Variants in HIF1AN observed in about 807,000 individuals in gnomAD.
HIF1AN encodes the protein hypoxia-inducible factor 1-alpha inhibitor.
In HIF1AN, 21 loss-of-function variants were observed where a neutral mutation model predicts 47.7. The observed-to-expected ratio is 0.44, with a 90% CI of 0.31 to 0.63. The LOEUF is 0.63. Ranked by LOEUF, HIF1AN falls within the 30% of genes least tolerant of loss-of-function variation. The pLI is 0.07. For missense variants in HIF1AN, 320 were observed against 432.7 expected, an observed-to-expected ratio of 0.74 and a Z score of 2.31; for synonymous variants, 152 against 155.9, an observed-to-expected ratio of 0.98 and a Z score of 0.18.
intron 2 of HIF1AN, among the ~76,000 whole-genome samples, chr10:100,537,837 T>A (rs1276171349): frequency 6.6e-6 from 1 of 152,250 alleles, no homozygotes; most frequent in Admixed American, 6.5e-5. Flanking sequence ...TTCTTCTTCT[T>A]AACACTTAGC....
At chr10:100,546,917 T>C (rs562116405) in intron 6 of HIF1AN, among the ~76,000 whole-genome samples, 1 of 152,164 alleles carries the variant, frequency 6.6e-6, no homozygotes, top group African/African-American at 2.4e-5. Flanking sequence ...TTTTTGTATC[T>C]TTAGTAGAGA....
chr10:100,547,084 A>G, intron 6 of HIF1AN, 56 bp from the exon 7 acceptor site: 2 of 1,236,622 alleles, frequency 1.6e-6, no homozygotes, highest in South Asian at 2.5e-5. Context: ...AGAACAGTAG[A>G]GTGACACTGA....
intron 3 of HIF1AN, 79 bp downstream of exon 3, chr10:100,540,861 T>C: frequency 7.8e-7 from 1 of 1,290,090 alleles, no homozygotes; most frequent in Non-Finnish European, 1.0e-6. Flanking sequence ...GCTTATTAGC[T>C]CCATGACTTT....
At position 100,554,041 on chromosome 10, in the gene HIF1AN, G is replaced by A. The variant is rs988725513; in HGVS notation, c.*5904G>A. 2 of 151,874 alleles carry A rather than the reference G, an allele frequency of 1.3e-5. No individual in the cohort carries two copies. The highest frequency in any genetic ancestry group is 2.9e-5 in the Non-Finnish European group (2 of 67,852). The allele number at this position is 151,874 out of a possible 1,614,324, so 9.4% of individuals were successfully genotyped here. ...AGAAACACCTTAGATAAACCATATTGAGTTGAGGGTAGACAGAAGAGTCTA... is the reference window on the plus strand; with the variant it reads ...AGAAACACCTTAGATAAACCATATTAAGTTGAGGGTAGACAGAAGAGTCTA... On this transcript the variant is annotated 3_prime_UTR_variant, in exon 8 of 8. Coordinates refer to ENST00000299163, the MANE Select transcript of HIF1AN (RefSeq NM_017902.3).
rs564927410 is a variant in HIF1AN, at chr10:100,536,669, C to A, written c.428+8C>A. ...GCGAGGAGGGGAAGAGAGGTAAATTCCGAAAGCTTAATTTTCTGTTGGATT... is the reference window on the plus strand; with the variant it reads ...GCGAGGAGGGGAAGAGAGGTAAATTACGAAAGCTTAATTTTCTGTTGGATT... On this transcript the variant is annotated splice_region_variant and intron_variant, in intron 2 of 7. Transcript: ENST00000299163. 1 of 1,613,368 alleles carries A rather than the reference C, an allele frequency of 6.2e-7. No homozygotes were observed. The highest frequency in any genetic ancestry group is 2.2e-5 in the East Asian group (1 of 44,886).
intron 6 of HIF1AN, 120 bp downstream of exon 6, chr10:100,546,701 T>C (rs1054183704): frequency 1.7e-5 from 13 of 772,442 alleles, no homozygotes; most frequent in African/African-American, 5.3e-5. Context: ...GTCAGGTGTC[T>C]GGGGAGATGA....
intron 2 of HIF1AN, among the ~76,000 whole-genome samples, chr10:100,539,665 T>C (rs905322757): frequency 2.0e-5 from 3 of 152,260 alleles, no homozygotes; most frequent in African/African-American, 7.2e-5. Flanking sequence ...AGAGATGTGG[T>C]AGTGGTAACT....
At chr10:100,543,134 A>G (rs1240140767) in intron 3 of HIF1AN, among the ~76,000 whole-genome samples, 1 of 152,110 alleles carries the variant, frequency 6.6e-6, no homozygotes, top group Non-Finnish European at 1.5e-5. Flanking sequence ...TGGTACTAAT[A>G]AAGATTTCCG....
At chr10:100,540,411 A>G (rs137903276) in intron 2 of HIF1AN, among the ~76,000 whole-genome samples, 246 of 152,304 alleles carry the variant, frequency 1.6e-3, no homozygotes, top group African/African-American at 5.4e-3. Context: ...CAAAACAAAG[A>G]AAAACCAGTA....
intron 3 of HIF1AN, 87 bp from the exon 4 acceptor site, chr10:100,544,864 T>A: frequency 7.8e-7 from 1 of 1,281,224 alleles, no homozygotes; most frequent in Non-Finnish European, 1.1e-6. Context: ...GAGGGCAGGC[T>A]GGGTTTCTCT....
intron 3 of HIF1AN, among the ~76,000 whole-genome samples, chr10:100,542,161 T>C (rs1843040427): frequency 1.3e-5 from 2 of 151,844 alleles, no homozygotes. Context: ...ACGGTATACC[T>C]GTATAGGGCT....
At chr10:100,543,629 A>G (rs537683761) in intron 3 of HIF1AN, among the ~76,000 whole-genome samples, 28 of 152,154 alleles carry the variant, frequency 1.8e-4, no homozygotes, top group African/African-American at 2.6e-4. Flanking sequence ...CTGGAGTGCA[A>G]TGGCGTGATC....
chr10:100,545,224 C>T (rs1168298343), intron 4 of HIF1AN, 128 bp downstream of exon 4: 3 of 955,160 alleles, frequency 3.1e-6, no homozygotes, highest in Admixed American at 2.7e-5. Context: ...CCTTAACACA[C>T]CAAGAGGGTA....
chr10:100,539,098 C>A (rs4919469), intron 2 of HIF1AN, among the ~76,000 whole-genome samples: 31,358 of 151,662 alleles, frequency 0.21, 3,327 homozygotes, highest in South Asian at 0.23. Context: ...TTTTTAATAA[C>A]CAATTTATTT....
In HIF1AN at chr10:100,556,882, T is replaced by C. The variant is rs1393942444; in HGVS notation, c.*8745T>C. 6.6e-6 allele frequency: 1 copy of C among 152,202 alleles called. No homozygotes were observed. Among genetic ancestry groups the C allele is most frequent in the Non-Finnish European group, 1.5e-5 (1 of 68,036 alleles). 9.4% of individuals were successfully genotyped at this position (152,202 alleles called of 1,614,324 possible). A position where few individuals can be genotyped will look rare whatever the true frequency, so the allele number is the denominator to read the frequency against. ...TCAAGCACTCAGGAAAATGTTTTAT[T>C]ATGAAGACCAAGTGTCTCTGAAAAG... On this transcript the variant is annotated 3_prime_UTR_variant, in exon 8 of 8. Transcript: ENST00000299163.
Position 100,548,148 on chromosome 10 carries a change from G to A in HIF1AN, c.*11G>A, listed in dbSNP as rs777279158. ...GGCCGATACAACTAGCCTGCCAGGG[G>A]TCAAGGCCTCCTGCCAGGTGACTGC... is the stretch of plus-strand genomic sequence containing the variant. On this transcript the variant is annotated 3_prime_UTR_variant, in exon 8 of 8. Transcript: ENST00000299163. The A allele has an allele frequency of 1.9e-6, 3 of 1,604,328 alleles. No homozygotes were observed. Among genetic ancestry groups the A allele is most frequent in the Non-Finnish European group, 2.6e-6 (3 of 1,175,092 alleles).
At chr10:100,541,956 G>A (rs1843037938) in intron 3 of HIF1AN, among the ~76,000 whole-genome samples, 1 of 152,080 alleles carries the variant, frequency 6.6e-6, no homozygotes. Context: ...GCATATTACT[G>A]TGCTGAATAT....
At chr10:100,538,681 C>T (rs1049434200) in intron 2 of HIF1AN, among the ~76,000 whole-genome samples, 1 of 151,784 alleles carries the variant, frequency 6.6e-6, no homozygotes, top group African/African-American at 2.4e-5. Flanking sequence ...ATTAGCTGGG[C>T]ATGGTGGCAC....
chr10:100,553,573 C>T lies in HIF1AN; in HGVS notation c.*5436C>T, dbSNP rs549219441. ...TGATGAAAGAATTTACATATGGGCT[C>T]CCCCCTGCTTTCCCACTGAAAATCT... On this transcript the variant is annotated 3_prime_UTR_variant, in exon 8 of 8. Transcript: ENST00000299163. 6.6e-6 allele frequency: 1 copy of T among 152,134 alleles called. No individual in the cohort carries two copies. The highest frequency in any genetic ancestry group is 2.4e-5 in the African/African-American group (1 of 41,418). The allele number at this position is 152,134 out of a possible 1,614,324, so 9.4% of individuals were successfully genotyped here.
Sources: gnomAD v4.1 joint callset for allele counts (sites outside exome capture counted in the v4.1 genomes callset) on GRCh38, gnomAD v4.1.1 for gene constraint, MANE v1.5 for transcripts, NCBI Gene and HGNC (gene_info 2026-07-23, HGNC 2026-07-21) for gene names.